The following OSBPL1A variants were observed in gnomAD, a reference collection of about 807,000 sequenced individuals.
OSBPL1A encodes the protein oxysterol binding protein like 1A.
Under a neutral mutation model 137.1 loss-of-function variants are expected in OSBPL1A, and 80 were observed. That is an observed-to-expected ratio of 0.58 (90% CI 0.49 to 0.70). OSBPL1A has a LOEUF of 0.70. Among genes scored for constraint, OSBPL1A ranks in the 30% least tolerant of loss-of-function variants. OSBPL1A has a pLI of 0.00. For missense variants in OSBPL1A, 970 were observed against 1,129.4 expected (o/e 0.86, Z 2.02); for synonymous variants, 365 against 389.7 (o/e 0.94, Z 0.75).
intron 17 of OSBPL1A, 137 bp from the exon 18 acceptor site, chr18:24,196,337 G>C: frequency 1.6e-6 from 1 of 640,606 alleles, no homozygotes; most frequent in Non-Finnish European, 2.7e-6. Flanking sequence ...ACAGGGCTAA[G>C]CAGGGCTAAT....
chr18:24,334,227 G>T lies in OSBPL1A; in HGVS notation c.480+18C>A, dbSNP rs757215391. ...AAAGACTGCTTTTTGTCTTTTGGGG[G>T]TTTTTTGTTTGTTTTACCAGAGCTG... is the stretch of plus-strand genomic sequence containing the variant. On this transcript the variant is annotated intron_variant, in intron 6 of 27. Transcript: ENST00000319481. 112 of 1,587,116 alleles carry T rather than the reference G, an allele frequency of 7.1e-5. No individual in the cohort carries two copies. Among genetic ancestry groups the T allele is most frequent in the Non-Finnish European group, 8.8e-5 (103 of 1,171,046 alleles).
intron 3 of OSBPL1A, chr18:24,367,410 C>T (rs570687987): frequency 2.0e-5 from 3 of 152,158 alleles, no homozygotes; most frequent in African/African-American, 4.8e-5. Flanking sequence ...GGGAGGCTGA[C>T]GTGGGCGGAT....
At chr18:24,374,704 G>A (rs1469869767) in intron 2 of OSBPL1A, among the ~76,000 whole-genome samples, 1 of 152,168 alleles carries the variant, frequency 6.6e-6, no homozygotes, top group Non-Finnish European at 1.5e-5. Context: ...CCTAGGCCAG[G>A]TGCCAGATGA....
intron 14 of OSBPL1A, among the ~76,000 whole-genome samples, chr18:24,283,281 AAT>A (rs869287828): frequency 3.1e-3 from 240 of 78,258 alleles, no homozygotes; most frequent in Middle Eastern, 0.018. Flanking sequence ...AAAAAAAAAA[AAT>A]ATATATATAT....
intron 16 of OSBPL1A, among the ~76,000 whole-genome samples, chr18:24,237,485 A>G (rs1234847645): frequency 6.6e-5 from 10 of 152,004 alleles, no homozygotes; most frequent in Non-Finnish European, 1.2e-4. Flanking sequence ...TTGTATTTTC[A>G]GTAGAGACGG....
chr18:24,194,613 G>GC (rs1165275378), intron 18 of OSBPL1A, among the ~76,000 whole-genome samples: 4 of 152,124 alleles, frequency 2.6e-5, no homozygotes, highest in African/African-American at 9.7e-5. Context: ...AATAAAATTA[G>GC]AGCTCAAGTC....
At chr18:24,330,302 C>T (rs2091053158) in intron 7 of OSBPL1A, among the ~76,000 whole-genome samples, 2 of 152,022 alleles carry the variant, frequency 1.3e-5, no homozygotes, top group Non-Finnish European at 2.9e-5. Context: ...GATTTTTCAC[C>T]TTAACCTTTT....
chr18:24,266,482 C>A (rs982457839), intron 15 of OSBPL1A, among the ~76,000 whole-genome samples: 1 of 151,872 alleles, frequency 6.6e-6, no homozygotes, highest in African/African-American at 2.4e-5. Context: ...GTGGAAAAGG[C>A]AACAAGGGGA....
At chr18:24,270,852 C>T (rs781352881) in intron 15 of OSBPL1A, among the ~76,000 whole-genome samples, 4 of 152,072 alleles carry the variant, frequency 2.6e-5, no homozygotes, top group Non-Finnish European at 4.4e-5. Flanking sequence ...GTCTTTGAAC[C>T]TAATTAAAAT....
chr18:24,175,137 C>CGTATAT (rs1199702207), intron 21 of OSBPL1A, among the ~76,000 whole-genome samples: 3 of 51,790 alleles, frequency 5.8e-5, no homozygotes, highest in African/African-American at 2.4e-4. Flanking sequence ...TATATATATA[C>CGTATAT]ACATATATAT....
At chr18:24,229,878 G>A (rs924590334) in intron 16 of OSBPL1A, among the ~76,000 whole-genome samples, 1 of 152,074 alleles carries the variant, frequency 6.6e-6, no homozygotes, top group South Asian at 2.1e-4. Flanking sequence ...AGCCTCCCAA[G>A]TACCTGGGAC....
At chr18:24,388,715 G>A (rs982864852) in intron 1 of OSBPL1A, among the ~76,000 whole-genome samples, 36 of 148,560 alleles carry the variant, frequency 2.4e-4, no homozygotes, top group Admixed American at 1.4e-4. Flanking sequence ...CAGGAGAATC[G>A]CTTGAACCCA....
chr18:24,351,347 CAAAAAAA>C (rs1172514692), intron 4 of OSBPL1A, among the ~76,000 whole-genome samples: 1 of 35,774 alleles, frequency 2.8e-5, no homozygotes. Context: ...GACTCTGTCT[CAAAAAAA>C]AAAAAAAAAA....
intron 16 of OSBPL1A, 48 bp downstream of exon 16, chr18:24,239,172 G>A (rs1307819167): frequency 1.3e-6 from 2 of 1,594,256 alleles, no homozygotes; most frequent in South Asian, 2.3e-5. Flanking sequence ...CATTTAGGTG[G>A]TGGACTCTAA....
Position 24,195,908 on chromosome 18 carries a change from T to C in OSBPL1A, c.1677+217A>G, listed in dbSNP as rs567299328. ...ACACGGCATTTTCAGTTTCTGTTTG[T>C]TTTTTTTTTTACATCAAAAATGCAC... On this transcript the variant is annotated intron_variant, in intron 18 of 27. Transcript: ENST00000319481. 495 of 275,930 alleles carry C rather than the reference T, an allele frequency of 1.8e-3. 2 individuals are homozygous for C. The East Asian group carries it at 0.04, about 22-fold the overall frequency. The allele number at this position is 275,930 out of a possible 1,614,324, so 17.1% of individuals were successfully genotyped here.
intron 16 of OSBPL1A, among the ~76,000 whole-genome samples, chr18:24,229,792 C>G (rs1334607043): frequency 6.6e-6 from 1 of 151,966 alleles, no homozygotes; most frequent in African/African-American, 2.4e-5. Flanking sequence ...GCTCTGTCAC[C>G]CAGGCTGGAG....
chr18:24,261,247 G>T (rs947724758), intron 15 of OSBPL1A, among the ~76,000 whole-genome samples: 2 of 152,152 alleles, frequency 1.3e-5, no homozygotes, highest in South Asian at 4.1e-4. Flanking sequence ...ACTTGCCTGT[G>T]GATGGGGGTG....
chr18:24,394,301 T>A (rs1907578216), intron 1 of OSBPL1A, among the ~76,000 whole-genome samples: 1 of 152,228 alleles, frequency 6.6e-6, no homozygotes, highest in African/African-American at 2.4e-5. Context: ...GTATTTATCT[T>A]ACCCATATTC....
chr18:24,196,012 G>T, intron 18 of OSBPL1A, 113 bp downstream of exon 18: 2 of 802,768 alleles, frequency 2.5e-6, no homozygotes, highest in East Asian at 2.7e-5. Flanking sequence ...ATTCTCGTAC[G>T]TTCCCATAAA....
Sources: allele counts gnomAD v4.1 joint callset (sites outside exome capture counted in the v4.1 genomes callset), GRCh38; gene constraint gnomAD v4.1.1; transcripts MANE v1.5; gene names NCBI Gene and HGNC (gene_info 2026-07-23, HGNC 2026-07-21).